IL17F: variants seen among roughly 807,000 people sequenced by gnomAD.
The protein encoded by IL17F is interleukin 17F.
Under a neutral mutation model 8.3 loss-of-function variants are expected in IL17F, and 6 were observed. The ratio of observed to expected loss-of-function variants is 0.73; its 90% CI spans 0.40 to 1.43. The LOEUF is 1.43. Among genes scored for constraint, IL17F ranks in the 40% most tolerant of loss-of-function variants. The probability of loss-of-function intolerance (pLI) is 0.02; values close to 1 mark genes in which losing one functional copy is unlikely to be tolerated. For missense variants in IL17F, 204 were observed against 209.6 expected (o/e 0.97, Z 0.17); for synonymous variants, 98 against 81.6 (o/e 1.20, Z -1.08).
chr6:52,241,718 A>G (rs960329925), intron 1 of IL17F, among the ~76,000 whole-genome samples: 2 of 152,216 alleles, frequency 1.3e-5, no homozygotes, highest in Admixed American at 6.5e-5. Context: ...AGCTAGTATT[A>G]ATTATCCCAA....
intron 2 of IL17F, among the ~76,000 whole-genome samples, chr6:52,237,952 G>T (rs1369702819): frequency 6.6e-6 from 1 of 152,210 alleles, no homozygotes; most frequent in Non-Finnish European, 1.5e-5. Context: ...GCAGCTTAGA[G>T]ATGGGAGGCA....
intron 1 of IL17F, among the ~76,000 whole-genome samples, chr6:52,241,941 G>A (rs1311472151): frequency 6.6e-6 from 1 of 152,168 alleles, no homozygotes; most frequent in Non-Finnish European, 1.5e-5. Flanking sequence ...TACTAGATGT[G>A]CATAAGTGTT....
At chr6:52,244,661 G>T, upstream of IL17F, 1 of 567,968 alleles carries the variant, frequency 1.8e-6, no homozygotes, top group Non-Finnish European at 3.1e-6. Flanking sequence ...GGACCCTAAA[G>T]AAAGGGATGA....
In IL17F at chr6:52,238,744, G is replaced by A. The variant is rs373381795; in HGVS notation, c.240C>T (p.Ser80=). 23 of 1,613,892 alleles carry A rather than the reference G, an allele frequency of 1.4e-5. No individual in the cohort carries two copies. Among genetic ancestry groups the A allele is most frequent in the Admixed American group, 6.7e-5 (4 of 60,000 alleles). The change falls in exon 2 of 3, where the codon TCC becomes TCT. Residue 80 remains serine, a synonymous_variant. Transcript: ENST00000336123. ...MSRNIESRST[S]PWNYTVTWDP... is the part of the protein sequence containing the mutation. ...TTTGCACTTACGTGTAATTCCAGGG[G>A]GAGGTGGAGCGGCTCTCGATGTTAC...
Position 52,244,415 on chromosome 6 carries a change from G to C in IL17F, c.15C>G (p.Thr5=), listed in dbSNP as rs771476465. The C allele has an allele frequency of 3.1e-6, 5 of 1,613,982 alleles. No homozygotes were observed. Among genetic ancestry groups the C allele is most frequent in the Non-Finnish European group, 4.2e-6 (5 of 1,179,912 alleles). Residue 5 remains threonine, a synonymous_variant, in exon 1 of 3, where the codon ACC becomes ACG. Transcript: ENST00000336123. ...TACTCACCATGGCTGGGCCATGCAG[G>C]GTCTTCACTGTCATGTTGCGCTGGT... MTVK[T]LHGPAMVKYL...
intron 2 of IL17F, 102 bp downstream of exon 2, chr6:52,238,628 C>T: frequency 1.9e-6 from 2 of 1,052,016 alleles, no homozygotes; most frequent in Non-Finnish European, 2.9e-6. Context: ...AGAGGATTTT[C>T]CCTTTTATTT....
chr6:52,239,318 G>A (rs1227144376), intron 1 of IL17F, among the ~76,000 whole-genome samples: 1 of 152,108 alleles, frequency 6.6e-6, no homozygotes, highest in Non-Finnish European at 1.5e-5. Flanking sequence ...CTACTAATGA[G>A]ATTAAATAGA....
intron 1 of IL17F, among the ~76,000 whole-genome samples, chr6:52,242,232 G>T (rs1050126138): frequency 6.6e-6 from 1 of 152,204 alleles, no homozygotes; most frequent in Non-Finnish European, 1.5e-5. Flanking sequence ...AAAGCACCAG[G>T]TGAAGGTGAG....
chr6:52,242,754 TG>T (rs1454930043), intron 1 of IL17F, among the ~76,000 whole-genome samples: 2 of 152,244 alleles, frequency 1.3e-5, no homozygotes, highest in Non-Finnish European at 2.9e-5. Flanking sequence ...TCTACTTCAG[TG>T]GATTGATCAG....
Position 52,238,856 on chromosome 6 carries a change from T to G in IL17F, c.128A>C (p.Lys43Thr). 6.2e-7 allele frequency: 1 copy of G among 1,614,044 alleles called. No individual in the cohort carries two copies. Among genetic ancestry groups the G allele is most frequent in the Non-Finnish European group, 8.5e-7 (1 of 1,179,916 alleles). The change falls in exon 2 of 3, where the codon AAG becomes ACG. Residue 43 changes from lysine (K) to threonine (T), a missense_variant. Coordinates refer to ENST00000336123, the MANE Select transcript of IL17F (RefSeq NM_052872.4). Reference sequence around the variant, plus strand: ...TGGCACAGGCGGGCAACTCTCAGGCTTTTGGAAAAAAGTATGTCCTACTTT... The same window carrying G: ...TGGCACAGGCGGGCAACTCTCAGGCGTTTGGAAAAAAGTATGTCCTACTTT... ...IPKVGHTFFQKPESCPPVPGG... is the reference protein window; with the variant it reads ...IPKVGHTFFQTPESCPPVPGG...
At chr6:52,240,363 G>A (rs1764051664) in intron 1 of IL17F, among the ~76,000 whole-genome samples, 1 of 151,148 alleles carries the variant, frequency 6.6e-6, no homozygotes, top group Non-Finnish European at 1.5e-5. Flanking sequence ...TTTGAACCTA[G>A]GAGGTGGAGG....
chr6:52,238,999 T>C (rs1372833516), intron 1 of IL17F, 49 bp from the exon 2 acceptor site: 1 of 1,482,932 alleles, frequency 6.7e-7, no homozygotes, highest in Admixed American at 1.7e-5. Flanking sequence ...CCTCACCTAC[T>C]AGCAAGAGAT....
At chr6:52,242,995 G>A (rs1010385991) in intron 1 of IL17F, among the ~76,000 whole-genome samples, 2 of 152,140 alleles carry the variant, frequency 1.3e-5, no homozygotes, top group African/African-American at 4.8e-5. Flanking sequence ...ATACAGTTGA[G>A]GAAACGGAGG....
chr6:52,244,451 G>T lies in IL17F; in HGVS notation c.-22C>A, dbSNP rs1021124269. 1 of 1,613,320 alleles carries T rather than the reference G, an allele frequency of 6.2e-7. No homozygotes were observed. Among genetic ancestry groups the T allele is most frequent in the South Asian group, 1.1e-5 (1 of 91,066 alleles). ...TCATGTTGCGCTGGTGGCTTACTTT[G>T]TGCAGGAAGCTCTTTCTGTGAATGT... On this transcript the variant is annotated 5_prime_UTR_variant, in exon 1 of 3. Coordinates refer to ENST00000336123, the MANE Select transcript of IL17F (RefSeq NM_052872.4).
chr6:52,245,605 G>A (rs549715041), upstream of IL17F, among the ~76,000 whole-genome samples: 19 of 152,312 alleles, frequency 1.2e-4, no homozygotes, highest in East Asian at 1.2e-3. Context: ...CCCAGCACAG[G>A]GATGAGTTAC....
intron 2 of IL17F, 105 bp downstream of exon 2, chr6:52,238,625 T>C: frequency 9.6e-7 from 1 of 1,040,848 alleles, no homozygotes; most frequent in Non-Finnish European, 1.4e-6. Flanking sequence ...TTAAGAGGAT[T>C]TTCCCTTTTA....
At position 52,238,935 on chromosome 6, in the gene IL17F, G is replaced by T; in HGVS notation, c.49C>A (p.Leu17Met). 1.2e-6 allele frequency: 2 copies of T among 1,613,258 alleles called. No homozygotes were observed. The highest frequency in any genetic ancestry group is 1.7e-6 in the Non-Finnish European group (2 of 1,179,842). Residue 17 changes from leucine (L) to methionine (M), a missense_variant, in exon 2 of 3, where the codon CTG (leucine) becomes ATG (methionine). Transcript: ENST00000336123. ...HGPAMVKYLL[L>M]SILGLAFLSE... ...AGAAAGGCAAGCCCCAATATCGACA[G>T]CAGCAAGTACTTGACCTGGAAAATA... is the stretch of plus-strand genomic sequence containing the variant.
chr6:52,241,296 T>C (rs1296486757), intron 1 of IL17F, among the ~76,000 whole-genome samples: 3 of 152,156 alleles, frequency 2.0e-5, no homozygotes, highest in Non-Finnish European at 2.9e-5. Flanking sequence ...CAGGCTGGTC[T>C]TGAACTCCTG....
chr6:52,238,257 A>C (rs759791286), intron 2 of IL17F, among the ~76,000 whole-genome samples: 3 of 152,186 alleles, frequency 2.0e-5, no homozygotes, highest in Non-Finnish European at 2.9e-5. Context: ...CTTAATGCCA[A>C]ATTACAAGAC....
Sources: allele counts gnomAD v4.1 joint callset (sites outside exome capture counted in the v4.1 genomes callset), GRCh38; gene constraint gnomAD v4.1.1; transcripts MANE v1.5; gene names NCBI Gene and HGNC (gene_info 2026-07-23, HGNC 2026-07-21).